NCKAP5: variants seen among roughly 807,000 people sequenced by gnomAD.
NCKAP5 encodes the protein nck-associated protein 5.
A neutral mutation model predicts 167.0 loss-of-function variants in NCKAP5; 92 were observed. The observed-to-expected ratio is 0.55, with a 90% CI of 0.47 to 0.66. The LOEUF (loss-of-function observed/expected upper bound fraction) is 0.66, where lower values mean the gene tolerates loss of function less well. Among genes scored for constraint, NCKAP5 ranks in the 30% least tolerant of loss-of-function variants. The pLI is 0.00. For missense variants in NCKAP5, 2,378 were observed against 2,315.0 expected, an observed-to-expected ratio of 1.03 and a Z score of -0.56; for synonymous variants, 891 against 877.4, an observed-to-expected ratio of 1.02 and a Z score of -0.27.
intron 16 of NCKAP5, among the ~76,000 whole-genome samples, chr2:132,753,060 C>G (rs562547773): frequency 1.3e-5 from 2 of 152,202 alleles, no homozygotes; most frequent in African/African-American, 2.4e-5. Flanking sequence ...AAAAGTTAAT[C>G]TCATCCAAAC....
At chr2:133,002,646 AAC>A (rs2149336517) in intron 6 of NCKAP5, among the ~76,000 whole-genome samples, 1 of 152,304 alleles carries the variant, frequency 6.6e-6, no homozygotes, top group Admixed American at 6.5e-5. Context: ...TGCCACAGAA[AAC>A]ACAGAGCCAA....
At chr2:133,166,377 T>C (rs539562376) in intron 5 of NCKAP5, among the ~76,000 whole-genome samples, 101 of 152,374 alleles carry the variant, frequency 6.6e-4, no homozygotes, top group Middle Eastern at 3.4e-3. Context: ...CTTTTTCACG[T>C]TGTAATATAG....
chr2:133,444,409 T>TAGATAGATAGATAGATATAGATAG (rs1190357351), intron 3 of NCKAP5, among the ~76,000 whole-genome samples: 1 of 138,688 alleles, frequency 7.2e-6, no homozygotes, highest in African/African-American at 3.0e-5. Flanking sequence ...GATAGATAGA[T>TAGATAGATAGATAGATATAGATAG]ATAGATATAG....
chr2:133,585,059 A>G, the NCKAP5 span, among the ~76,000 whole-genome samples: 2 of 152,166 alleles, frequency 1.3e-5, no homozygotes, highest in African/African-American at 4.8e-5. Context: ...TTGTGAGATG[A>G]CAAATTTTAA....
intron 3 of NCKAP5, among the ~76,000 whole-genome samples, chr2:133,508,842 G>T (rs1683246397): frequency 6.6e-6 from 1 of 152,200 alleles, no homozygotes; most frequent in South Asian, 2.1e-4. Context: ...AACATGCCAA[G>T]CAAACATCTC....
intron 1 of NCKAP5, among the ~76,000 whole-genome samples, chr2:133,564,428 G>A (rs1018382039): frequency 3.9e-5 from 6 of 152,110 alleles, no homozygotes; most frequent in African/African-American, 1.2e-4. Context: ...TTGTGTGCCA[G>A]GTGCTGAGTT....
intron 8 of NCKAP5, among the ~76,000 whole-genome samples, chr2:132,892,909 T>A (rs1443973603): frequency 6.7e-6 from 1 of 149,454 alleles, no homozygotes; most frequent in Admixed American, 6.8e-5. Context: ...GAACCCTCTC[T>A]ACCAAGAAGC....
chr2:133,208,278 CAG>C lies in NCKAP5; in HGVS notation c.207+5436_207+5437del, dbSNP rs2086051575. 1.3e-4 allele frequency among the ~76,000 whole-genome samples: 20 copies of C among 152,182 alleles called. No homozygotes were observed. The South Asian group carries it at 3.7e-3, about 28-fold the overall frequency. On this transcript the variant is annotated intron_variant, in intron 5 of 19. Coordinates refer to ENST00000409261, the MANE Select transcript of NCKAP5 (RefSeq NM_207363.3). Reference sequence around the variant, plus strand: ...CTCTTGAGCCCGGCAGGAGAGGCTGCAGAGAGCTGACACTGTACCGCTGCATT... The same window carrying C: ...CTCTTGAGCCCGGCAGGAGAGGCTGCAGAGCTGACACTGTACCGCTGCATT...
intron 11 of NCKAP5, among the ~76,000 whole-genome samples, chr2:132,826,259 T>G (rs1261581937): frequency 6.6e-6 from 1 of 152,230 alleles, no homozygotes; most frequent in East Asian, 1.9e-4. Context: ...CTTTTAAAGA[T>G]TTCAGTGGAT....
At chr2:133,333,341 T>A (rs1682992563) in intron 3 of NCKAP5, among the ~76,000 whole-genome samples, 1 of 152,184 alleles carries the variant, frequency 6.6e-6, no homozygotes, top group South Asian at 2.1e-4. Context: ...GCAGAGGGTA[T>A]GATACATCGG....
At position 132,720,154 on chromosome 2, in the gene NCKAP5, G is replaced by A. The variant is rs72987784; in HGVS notation, c.5713+5473C>T. Among the ~76,000 whole-genome samples, 149 of 152,178 alleles carry A rather than the reference G, an allele frequency of 9.8e-4. 2 individuals carry two copies. The highest frequency in any genetic ancestry group is 2.8e-3 in the African/African-American group (116 of 41,504). On this transcript the variant is annotated intron_variant, in intron 19 of 19. Coordinates refer to ENST00000409261, the MANE Select transcript of NCKAP5 (RefSeq NM_207363.3). The stretch of plus-strand genomic sequence containing the variant: ...CTTCACCTTTACACTGTTGTCCCCC[G>A]CACATGCCTTCTCTGAGGACTTGCC...
chr2:132,732,915 A>C (rs1047566987), intron 16 of NCKAP5, among the ~76,000 whole-genome samples: 2 of 152,172 alleles, frequency 1.3e-5, no homozygotes, highest in African/African-American at 4.8e-5. Flanking sequence ...TGTGGACTTC[A>C]TTCGACCCAG....
At chr2:133,398,094 T>C (rs572069304) in intron 3 of NCKAP5, among the ~76,000 whole-genome samples, 3 of 152,142 alleles carry the variant, frequency 2.0e-5, no homozygotes, top group Admixed American at 6.5e-5. Context: ...AGCAAAGCCA[T>C]GGAAAACGTA....
chr2:132,676,480 C>T (rs1013856581), intron 19 of NCKAP5, among the ~76,000 whole-genome samples: 21 of 151,588 alleles, frequency 1.4e-4, no homozygotes, highest in African/African-American at 3.6e-4. Flanking sequence ...CTGCCAGCTA[C>T]GAATAAAAAC....
intron 3 of NCKAP5, among the ~76,000 whole-genome samples, chr2:133,308,419 T>G (rs1680961185): frequency 6.6e-6 from 1 of 151,918 alleles, no homozygotes; most frequent in Admixed American, 6.6e-5. Flanking sequence ...TAATAAAAAA[T>G]GCTTAAGTAT....
chr2:132,905,021 A>G (rs996688051), intron 8 of NCKAP5, among the ~76,000 whole-genome samples: 4 of 152,170 alleles, frequency 2.6e-5, no homozygotes, highest in African/African-American at 9.6e-5. Flanking sequence ...TTGATTTTGT[A>G]ATCAAAAAGT....
intron 3 of NCKAP5, among the ~76,000 whole-genome samples, chr2:133,355,884 GA>G: frequency 6.6e-6 from 1 of 151,900 alleles, no homozygotes; most frequent in Admixed American, 6.6e-5. Context: ...GTACCCTCAG[GA>G]AAACTATCAT....
At chr2:133,672,248 CATAAG>C in the NCKAP5 span, among the ~76,000 whole-genome samples, 11,015 of 152,174 alleles carry the variant, frequency 0.072, 446 homozygotes, top group African/African-American at 0.093. Flanking sequence ...TGATTTGACT[CATAAG>C]AGAGGAGAGC....
intron 4 of NCKAP5, among the ~76,000 whole-genome samples, chr2:133,234,547 A>G (rs1046497546): frequency 6.6e-6 from 1 of 152,096 alleles, no homozygotes; most frequent in Non-Finnish European, 1.5e-5. Context: ...AGTACTGACC[A>G]CTGTATGTTC....
Sources: gnomAD v4.1 joint callset for allele counts (sites outside exome capture counted in the v4.1 genomes callset) on GRCh38, gnomAD v4.1.1 for gene constraint, MANE v1.5 for transcripts, NCBI Gene and HGNC (gene_info 2026-07-23, HGNC 2026-07-21) for gene names.